ARHGAP6: variants seen among roughly 807,000 people sequenced by gnomAD.
The protein encoded by ARHGAP6 is rho GTPase-activating protein 6.
In ARHGAP6, 16 loss-of-function variants were observed where a neutral mutation model predicts 55.7. The observed-to-expected ratio is 0.29, with a 90% CI of 0.19 to 0.44. The LOEUF (loss-of-function observed/expected upper bound fraction) is 0.44, where lower values mean the gene tolerates loss of function less well. ARHGAP6 is among the 20% of genes least tolerant of loss of function. The pLI is 1.00. For missense variants in ARHGAP6, 698 were observed against 808.9 expected, an observed-to-expected ratio of 0.86 and a Z score of 1.66; for synonymous variants, 382 against 360.9, an observed-to-expected ratio of 1.06 and a Z score of -0.66.
At chrX:11,448,816 G>A (rs1239941801) in intron 1 of ARHGAP6, among the ~76,000 whole-genome samples, 3 of 111,133 alleles carry the variant, frequency 2.7e-5, no homozygotes, top group Non-Finnish European at 3.8e-5. Context: ...GGACACCCCT[G>A]CATGTACATT....
At chrX:11,256,026 C>A (rs962909700) in intron 1 of ARHGAP6, among the ~76,000 whole-genome samples, 8 of 111,964 alleles carry the variant, frequency 7.1e-5, no homozygotes, top group African/African-American at 2.6e-4. Flanking sequence ...AGGAGAGGTA[C>A]TGGCCCACGC....
Position 11,576,922 on chromosome X carries a change from C to A in ARHGAP6, c.588+87319G>T, listed in dbSNP as rs191837119. ...TTGTCCAGCTTCTAGAAGCCACTTG[C>A]AATTCTGGGCTTGTGGCACCTTCCT... is the stretch of plus-strand genomic sequence containing the variant. On this transcript the variant is annotated intron_variant, in intron 1 of 12. Transcript: ENST00000337414. 2.7e-5 allele frequency among the ~76,000 whole-genome samples: 3 copies of A among 111,560 alleles called. No homozygotes were observed. The Admixed American group carries it at 2.8e-4, about 11-fold the overall frequency.
At chrX:11,435,095 G>C (rs1044786307) in intron 1 of ARHGAP6, among the ~76,000 whole-genome samples, 1 of 111,905 alleles carries the variant, frequency 8.9e-6, no homozygotes, top group African/African-American at 3.3e-5. Flanking sequence ...GAGGGAGGGG[G>C]AGATGCTACT....
intron 2 of ARHGAP6, among the ~76,000 whole-genome samples, chrX:11,227,348 A>AGTC (rs2047063938): frequency 8.9e-6 from 1 of 112,038 alleles, no homozygotes; most frequent in Non-Finnish European, 1.9e-5. Context: ...GACTCCTCTG[A>AGTC]GTCCATTATC....
rs2047464599 is a variant in ARHGAP6, at chrX:11,254,473, T to C, written c.748+75A>G. ...TGTGAATATTAGGTGTGAGAAGAGTTCACAGCTCACGGCTTTGGCAGAGCC... is the reference window on the plus strand; with the variant it reads ...TGTGAATATTAGGTGTGAGAAGAGTCCACAGCTCACGGCTTTGGCAGAGCC... On this transcript the variant is annotated intron_variant, in intron 2 of 12. Coordinates refer to ENST00000337414, the MANE Select transcript of ARHGAP6 (RefSeq NM_013427.3). The C allele has an allele frequency of 4.4e-6, 5 of 1,128,858 alleles. No homozygotes were observed. In the Admixed American group the frequency reaches 1.3e-4, roughly 28 times the overall value. 93.0% of individuals were successfully genotyped at this position (1,128,858 alleles called of 1,213,427 possible). A position where few individuals can be genotyped will look rare whatever the true frequency, so the allele number is the denominator to read the frequency against.
intron 1 of ARHGAP6, among the ~76,000 whole-genome samples, chrX:11,606,290 C>A (rs1456172926): frequency 1.8e-5 from 2 of 111,778 alleles, no homozygotes; most frequent in Non-Finnish European, 3.8e-5. Flanking sequence ...AAAGATTTGC[C>A]AGGATAGAGC....
chrX:11,354,327 C>CTCTCTCTCTCTATATATATA (rs1343744315), intron 1 of ARHGAP6, among the ~76,000 whole-genome samples: 1 of 32,348 alleles, frequency 3.1e-5, no homozygotes, highest in African/African-American at 1.3e-4. Context: ...CTCTCTCTCT[C>CTCTCTCTCTCTATATATATA]TATATATATA....
At chrX:11,519,410 T>C (rs1479140170) in intron 1 of ARHGAP6, among the ~76,000 whole-genome samples, 2 of 109,312 alleles carry the variant, frequency 1.8e-5, no homozygotes, top group Non-Finnish European at 3.8e-5. Context: ...TTTTCATGTG[T>C]TTTTTGGCTG....
At chrX:11,212,923 C>T (rs2046825198) in intron 2 of ARHGAP6, among the ~76,000 whole-genome samples, 1 of 113,069 alleles carries the variant, frequency 8.8e-6, no homozygotes. Context: ...CCTGCCCGTG[C>T]TCCTCGCTGA....
At chrX:11,260,167 A>G (rs1225873432) in intron 1 of ARHGAP6, among the ~76,000 whole-genome samples, 1 of 111,453 alleles carries the variant, frequency 9.0e-6, no homozygotes, top group African/African-American at 3.3e-5. Context: ...CACAGCTTCT[A>G]GTGCAGGAAA....
intron 1 of ARHGAP6, among the ~76,000 whole-genome samples, chrX:11,567,349 G>C (rs1394102139): frequency 9.2e-6 from 1 of 109,184 alleles, no homozygotes; most frequent in African/African-American, 3.3e-5. Context: ...GTAATACTGA[G>C]AGACAGTACA....
chrX:11,427,925 TCCGGCGG>T (rs945490541), intron 1 of ARHGAP6: 6 of 421,010 alleles, frequency 1.4e-5, no homozygotes, highest in Admixed American at 9.1e-5. Flanking sequence ...GGCGGGTCCC[TCCGGCGG>T]CCGCCGCCGC....
chrX:11,399,993 T>C (rs1179279140), intron 1 of ARHGAP6, among the ~76,000 whole-genome samples: 2 of 111,904 alleles, frequency 1.8e-5, no homozygotes, highest in African/African-American at 6.5e-5. Flanking sequence ...TATTATATGA[T>C]TCTATTTTTA....
chrX:11,452,360 C>T (rs1169261747), intron 1 of ARHGAP6, among the ~76,000 whole-genome samples: 1 of 111,313 alleles, frequency 9.0e-6, no homozygotes, highest in Non-Finnish European at 1.9e-5. Flanking sequence ...GTTGGCCAGG[C>T]TGGTCTCAAA....
intron 10 of ARHGAP6, among the ~76,000 whole-genome samples, chrX:11,150,275 G>A (rs759239983): frequency 1.5e-4 from 17 of 111,528 alleles, no homozygotes; most frequent in Non-Finnish European, 3.0e-4. Flanking sequence ...GATGATCTGA[G>A]CTCTGCTGAG....
chrX:11,184,233 T>C lies in ARHGAP6; in HGVS notation c.1273+2003A>G, dbSNP rs1428517403. Reference sequence around the variant, plus strand: ...TGAAAAATTTATGACTAGTACAATATATAATTAAATCAGAAAGAATTGTAT... The same window carrying C: ...TGAAAAATTTATGACTAGTACAATACATAATTAAATCAGAAAGAATTGTAT... On this transcript the variant is annotated intron_variant, in intron 5 of 12. Coordinates refer to ENST00000337414, the MANE Select transcript of ARHGAP6 (RefSeq NM_013427.3). 3.6e-5 allele frequency among the ~76,000 whole-genome samples: 4 copies of C among 112,232 alleles called. No individual in the cohort carries two copies. In the East Asian group the frequency reaches 8.3e-4, roughly 23 times the overall value.
At chrX:11,328,417 C>G (rs1188052267) in intron 1 of ARHGAP6, among the ~76,000 whole-genome samples, 1 of 111,927 alleles carries the variant, frequency 8.9e-6, no homozygotes, top group Non-Finnish European at 1.9e-5. Flanking sequence ...GAGCGAGTTA[C>G]CTACATGGCT....
At chrX:11,475,375 A>G (rs1455541267) in intron 1 of ARHGAP6, among the ~76,000 whole-genome samples, 7 of 110,752 alleles carry the variant, frequency 6.3e-5, no homozygotes, top group South Asian at 3.8e-4. Flanking sequence ...ACAGCTTTTG[A>G]TTCTTATTAC....
intron 1 of ARHGAP6, among the ~76,000 whole-genome samples, chrX:11,492,905 G>A (rs1451080062): frequency 8.9e-6 from 1 of 111,750 alleles, no homozygotes; most frequent in African/African-American, 3.3e-5. Context: ...CTTAAGTCAA[G>A]GTGCACGTCT....
Sources: gnomAD v4.1 joint callset for allele counts (sites outside exome capture counted in the v4.1 genomes callset) on GRCh38, gnomAD v4.1.1 for gene constraint, MANE v1.5 for transcripts, NCBI Gene and HGNC (gene_info 2026-07-23, HGNC 2026-07-21) for gene names.